PPP1R12B: variants seen among roughly 807,000 people sequenced by gnomAD.
PPP1R12B encodes protein phosphatase 1 regulatory subunit 12B, also known as myosin phosphatase target subunit 2.
A neutral mutation model predicts 126.1 loss-of-function variants in PPP1R12B; 76 were observed. The ratio of observed to expected loss-of-function variants is 0.60; its 90% CI spans 0.50 to 0.73. The LOEUF (loss-of-function observed/expected upper bound fraction) is 0.73. Ranked by LOEUF, PPP1R12B falls within the 30% of genes least tolerant of loss-of-function variation. PPP1R12B has a pLI of 0.00. For synonymous variants in PPP1R12B, 356 were observed against 434.7 expected (o/e 0.82, Z 2.25); for missense variants, 1,052 against 1,205.1 (o/e 0.87, Z 1.88).
At chr1:202,488,674 G>T in intron 14 of PPP1R12B, 51 bp downstream of exon 14, 1 of 1,436,718 alleles carries the variant, frequency 7.0e-7, no homozygotes, top group Non-Finnish European at 9.7e-7. Context: ...CCCTTCTGTT[G>T]GAGGTACAAT....
Position 202,590,290 on chromosome 1 carries a change from C to G in PPP1R12B, c.*9730C>G, listed in dbSNP as rs1690056451. 1 of 150,186 alleles carries G rather than the reference C, an allele frequency of 6.7e-6. No homozygotes were observed. Among genetic ancestry groups the G allele is most frequent in the Admixed American group, 6.6e-5 (1 of 15,040 alleles). The allele number at this position is 150,186 out of a possible 1,614,324, so 9.3% of individuals were successfully genotyped here. On this transcript the variant is annotated 3_prime_UTR_variant, in exon 24 of 24. Transcript: ENST00000608999. Reference sequence around the variant, plus strand: ...CCCACCACCACCCCGCCCCGCCCAGCCTCCCAGACAATGTTCCCCGGCACC... The same window carrying G: ...CCCACCACCACCCCGCCCCGCCCAGGCTCCCAGACAATGTTCCCCGGCACC...
intron 18 of PPP1R12B, among the ~76,000 whole-genome samples, chr1:202,519,444 G>A (rs1468930901): frequency 6.6e-6 from 1 of 151,008 alleles, no homozygotes; most frequent in African/African-American, 2.4e-5. Flanking sequence ...TTTTTTTTCT[G>A]TATTTTTAGT....
intron 13 of PPP1R12B, among the ~76,000 whole-genome samples, chr1:202,485,619 G>A (rs1220592369): frequency 6.6e-6 from 1 of 152,146 alleles, no homozygotes; most frequent in African/African-American, 2.4e-5. Context: ...GCTCCAGGCT[G>A]ATCCTGGTAG....
chr1:202,463,710 G>C (rs923890276), intron 13 of PPP1R12B, among the ~76,000 whole-genome samples: 3 of 152,154 alleles, frequency 2.0e-5, no homozygotes, highest in Non-Finnish European at 4.4e-5. Context: ...TATAAGATGA[G>C]AAGTTTCCTA....
intron 18 of PPP1R12B, among the ~76,000 whole-genome samples, chr1:202,516,876 T>C (rs1682206714): frequency 6.6e-6 from 1 of 152,134 alleles, no homozygotes. Context: ...CCACATGTTA[T>C]GCTAACAGTT....
intron 2 of PPP1R12B, among the ~76,000 whole-genome samples, chr1:202,418,102 A>G (rs1668318148): frequency 6.6e-6 from 1 of 152,202 alleles, no homozygotes; most frequent in African/African-American, 2.4e-5. Context: ...CTCTGTTCCA[A>G]TTTAGTAAAA....
Position 202,493,465 on chromosome 1 carries a change from T to C in PPP1R12B, c.2145+148T>C, listed in dbSNP as rs1679158046. 3 of 882,958 alleles carry C rather than the reference T, an allele frequency of 3.4e-6. No individual in the cohort carries two copies. In the South Asian group the frequency reaches 5.7e-5, roughly 17 times the overall value. The allele number at this position is 882,958 out of a possible 1,614,324, so 54.7% of individuals were successfully genotyped here. A position where few individuals can be genotyped will look rare whatever the true frequency, so the allele number is the denominator to read the frequency against. On this transcript the variant is annotated intron_variant, in intron 15 of 23. Coordinates refer to ENST00000608999, the MANE Select transcript of PPP1R12B (RefSeq NM_002481.4). ...GCTGTCTTTAGTTTGCAAACCTGTG[T>C]GACAAAAATTTAGAGGATGTTGGTC...
Position 202,586,116 on chromosome 1 carries a change from G to A in PPP1R12B, c.*5556G>A, listed in dbSNP as rs749724873. On this transcript the variant is annotated 3_prime_UTR_variant, in exon 24 of 24. Coordinates refer to ENST00000608999, the MANE Select transcript of PPP1R12B (RefSeq NM_002481.4). ...GGACTTACCAGAAGTAGGAGGTTCT[G>A]ATACCATTCAAGATGGTCTTTCCTT... 12 of 152,362 alleles carry A rather than the reference G, an allele frequency of 7.9e-5. No homozygotes were observed. The highest frequency in any genetic ancestry group is 1.6e-4 in the Non-Finnish European group (11 of 68,042). The allele number at this position is 152,362 out of a possible 1,614,324, so 9.4% of individuals were successfully genotyped here.
Position 202,422,681 on chromosome 1 carries a change from G to A in PPP1R12B, c.484G>A (p.Asp162Asn). 6.2e-7 allele frequency: 1 copy of A among 1,613,804 alleles called. No individual in the cohort carries two copies. The highest frequency in any genetic ancestry group is 8.5e-7 in the Non-Finnish European group (1 of 1,179,778). Residue 162 changes from aspartate to asparagine, a missense_variant, in exon 3 of 24, where the codon GAC becomes AAC. Asp to Asn is a conservative substitution (Grantham distance 23). Transcript: ENST00000608999. ...CAATAGTGAAGGTGAAGTTCCCTCT[G>A]ACCTTGCAGAAGAGCCAGCCATGAA... Reference protein sequence around the residue: ...IVNSEGEVPSDLAEEPAMKDL... With the variant: ...IVNSEGEVPSNLAEEPAMKDL...
chr1:202,467,676 A>G (rs1167741954), intron 13 of PPP1R12B, among the ~76,000 whole-genome samples: 4 of 152,344 alleles, frequency 2.6e-5, no homozygotes, highest in Non-Finnish European at 4.4e-5. Context: ...TAGTGCTTCA[A>G]TAAACATATG....
intron 14 of PPP1R12B, among the ~76,000 whole-genome samples, chr1:202,492,787 C>G (rs529715028): frequency 1.7e-4 from 26 of 152,008 alleles, no homozygotes; most frequent in Non-Finnish European, 3.8e-4. Context: ...AGGGTAGGGA[C>G]CTTTCAAATA....
At chr1:202,426,424 G>A (rs1038784269) in intron 4 of PPP1R12B, among the ~76,000 whole-genome samples, 2 of 152,106 alleles carry the variant, frequency 1.3e-5, no homozygotes, top group African/African-American at 4.8e-5. Context: ...TGGGTCTTCA[G>A]GAGTCAAATC....
intron 19 of PPP1R12B, among the ~76,000 whole-genome samples, chr1:202,562,346 A>T (rs755237114): frequency 6.6e-6 from 1 of 152,052 alleles, no homozygotes; most frequent in Non-Finnish European, 1.5e-5. Context: ...TTCCTATTCA[A>T]CCTCCAGCTC....
At chr1:202,382,645 G>C (rs1313660449) in intron 1 of PPP1R12B, among the ~76,000 whole-genome samples, 2 of 151,914 alleles carry the variant, frequency 1.3e-5, no homozygotes, top group African/African-American at 4.8e-5. Flanking sequence ...GGGAGGCTGA[G>C]GGGGGTGGAT....
intron 10 of PPP1R12B, chr1:202,439,118 G>A: frequency 6.4e-7 from 1 of 1,570,104 alleles, no homozygotes. Flanking sequence ...GACGTTCGAG[G>A]AGGAGGAGCA....
chr1:202,435,776 C>T (rs542082978), intron 9 of PPP1R12B, among the ~76,000 whole-genome samples: 46 of 152,254 alleles, frequency 3.0e-4, no homozygotes, highest in African/African-American at 1.0e-3. Context: ...GAAAGATGGG[C>T]TTGTGGTATT....
At chr1:202,558,712 T>A (rs963714759) in intron 18 of PPP1R12B, 165 bp from the exon 19 acceptor site, 4 of 554,086 alleles carry the variant, frequency 7.2e-6, no homozygotes, top group Non-Finnish European at 6.4e-6. Context: ...GTGTAGTCAA[T>A]TTGATTGCTT....
In PPP1R12B at chr1:202,438,025, G is replaced by A; in HGVS notation, c.1458+1G>A. ...TGCTCTACTGGACAACAAAGATAAG[G>A]TGCAGTTTGGGAGGGTATGGGGGAA... On this transcript the variant is annotated splice_donor_variant, in intron 10 of 23. Coordinates refer to ENST00000608999, the MANE Select transcript of PPP1R12B (RefSeq NM_002481.4). LOFTEE classifies it high-confidence loss of function. 2 of 1,613,804 alleles carry A rather than the reference G, an allele frequency of 1.2e-6. No homozygotes were observed. Among genetic ancestry groups the A allele is most frequent in the Non-Finnish European group, 1.7e-6 (2 of 1,179,868 alleles).
intron 15 of PPP1R12B, among the ~76,000 whole-genome samples, chr1:202,494,407 T>C (rs1679261841): frequency 1.3e-5 from 2 of 152,166 alleles, no homozygotes; most frequent in South Asian, 4.1e-4. Flanking sequence ...TGAACAAAGA[T>C]CTTTCTGACT....
Sources: gnomAD v4.1 joint callset for allele counts (sites outside exome capture counted in the v4.1 genomes callset) on GRCh38, gnomAD v4.1.1 for gene constraint, MANE v1.5 for transcripts, NCBI Gene and HGNC (gene_info 2026-07-23, HGNC 2026-07-21) for gene names.